WASHC5: variants seen among roughly 807,000 people sequenced by gnomAD.
WASHC5 encodes WASH complex subunit 5, also known as WASH complex subunit strumpellin.
Under a neutral mutation model 150.4 loss-of-function variants are expected in WASHC5, and 101 were observed. The ratio of observed to expected loss-of-function variants is 0.67; its 90% CI spans 0.57 to 0.79. WASHC5 has a LOEUF of 0.79. WASHC5 is among the 30% of genes least tolerant of loss of function. The pLI is 0.00. For synonymous variants in WASHC5, 467 were observed against 491.2 expected, an observed-to-expected ratio of 0.95 and a Z score of 0.65; for missense variants, 1,195 against 1,396.3, an observed-to-expected ratio of 0.86 and a Z score of 2.30.
chr8:125,080,090 G>A (rs945469982), intron 5 of WASHC5, among the ~76,000 whole-genome samples: 2 of 152,174 alleles, frequency 1.3e-5, no homozygotes, highest in African/African-American at 4.8e-5. Context: ...AAATGAACTA[G>A]ATTCAAAGAA....
At position 125,063,608 on chromosome 8, in the gene WASHC5, T is replaced by C. The variant is rs1283309196; in HGVS notation, c.1322A>G (p.His441Arg). Residue 441 changes from histidine to arginine, a missense_variant, in exon 11 of 29, where the codon CAT (histidine) becomes CGT (arginine). By Grantham distance (29) the His-to-Arg change is conservative. This residue lies in a region of WASHC5 where 997 missense variants were observed against 1,168.1 expected (regional missense o/e 0.85). Coordinates refer to ENST00000318410, the MANE Select transcript of WASHC5 (RefSeq NM_014846.4). ...CCGCTCCGAACCCTCTTTCTTGTAATGCTCCCATTTGGTTTGCTTTTCTGA... is the reference window on the plus strand; with the variant it reads ...CCGCTCCGAACCCTCTTTCTTGTAACGCTCCCATTTGGTTTGCTTTTCTGA... ...MLSEKQTKWE[H>R]YKKEGSERMT... The C allele has an allele frequency of 1.2e-6, 2 of 1,614,014 alleles. No individual in the cohort carries two copies. The highest frequency in any genetic ancestry group is 8.5e-7 in the Non-Finnish European group (1 of 1,179,866).
At chr8:125,049,632 A>T (rs1203268204) in intron 18 of WASHC5, among the ~76,000 whole-genome samples, 1 of 151,770 alleles carries the variant, frequency 6.6e-6, no homozygotes, top group Non-Finnish European at 1.5e-5. Context: ...GGATCACTTG[A>T]GGTCAGGAGT....
chr8:125,083,976 T>C lies in WASHC5; in HGVS notation c.-78A>G, dbSNP rs1412412973. 1.5e-6 allele frequency: 2 copies of C among 1,358,048 alleles called. No individual in the cohort carries two copies. The highest frequency in any genetic ancestry group is 1.0e-6 in the Non-Finnish European group (1 of 964,994). 84.1% of individuals were successfully genotyped at this position (1,358,048 alleles called of 1,614,324 possible). ...CTCAGAGCTGGTGTCTGTATATTATTAGATGAAACCAGGTGTGCAGAGAGA... is the reference window on the plus strand; with the variant it reads ...CTCAGAGCTGGTGTCTGTATATTATCAGATGAAACCAGGTGTGCAGAGAGA... On this transcript the variant is annotated 5_prime_UTR_variant, in exon 2 of 29. Transcript: ENST00000318410.
At chr8:125,026,545 A>C (rs1293691683) in intron 28 of WASHC5, among the ~76,000 whole-genome samples, 1 of 152,146 alleles carries the variant, frequency 6.6e-6, no homozygotes, top group Non-Finnish European at 1.5e-5. Context: ...TATTTGTTTC[A>C]TATTTCACAC....
At chr8:125,031,571 G>A (rs538628079) in intron 27 of WASHC5, among the ~76,000 whole-genome samples, 1 of 152,186 alleles carries the variant, frequency 6.6e-6, no homozygotes, top group South Asian at 2.1e-4. Context: ...CAGCCGCTTT[G>A]ATTCGTTTTT....
At chr8:125,068,588 T>C (rs1238424197) in intron 9 of WASHC5, among the ~76,000 whole-genome samples, 2 of 152,234 alleles carry the variant, frequency 1.3e-5, no homozygotes, top group Admixed American at 6.5e-5. Flanking sequence ...CTGAGTCCTC[T>C]GTGTCCCTGT....
intron 8 of WASHC5, among the ~76,000 whole-genome samples, chr8:125,073,600 TAATTTCTA>T (rs1275852318): frequency 6.6e-6 from 1 of 152,202 alleles, no homozygotes; most frequent in Non-Finnish European, 1.5e-5. Flanking sequence ...CATTTTTATG[TAATTTCTA>T]TATAAGATGA....
intron 27 of WASHC5, among the ~76,000 whole-genome samples, chr8:125,031,146 A>G (rs1815523597): frequency 6.6e-6 from 1 of 152,200 alleles, no homozygotes; most frequent in Non-Finnish European, 1.5e-5. Flanking sequence ...CAGTGGCTGC[A>G]TGACTACCTG....
chr8:125,039,794 C>T lies in WASHC5; in HGVS notation c.2954+1G>A, dbSNP rs1815832956. The T allele has an allele frequency of 6.2e-7, 1 of 1,605,602 alleles. No individual in the cohort carries two copies. Among genetic ancestry groups the T allele is most frequent in the South Asian group, 1.1e-5 (1 of 90,906 alleles). ...TGGCTGTTTCAAACCCTGGCACTTA[C>T]TTATTGAGATTCTCCAGAGCAGCTG... On this transcript the variant is annotated splice_donor_variant, in intron 24 of 28. Coordinates refer to ENST00000318410, the MANE Select transcript of WASHC5 (RefSeq NM_014846.4). LOFTEE classifies it high-confidence loss of function.
rs34050035 is a variant in WASHC5, at chr8:125,025,833, G to GACACACACACACACACACACACACAC, written c.3424-1161_3424-1160insGTGTGTGTGTGTGTGTGTGTGTGTGT. ...TCCAGTTTACTTACATATGCAGACAGACACACACACACACACACACACACA... is the reference window on the plus strand; with the variant it reads ...TCCAGTTTACTTACATATGCAGACAGACACACACACACACACACACACACACACACACACACACACACACACACACA... On this transcript the variant is annotated intron_variant, in intron 28 of 28. Coordinates refer to ENST00000318410, the MANE Select transcript of WASHC5 (RefSeq NM_014846.4). Among the ~76,000 whole-genome samples the GACACACACACACACACACACACACAC allele has an allele frequency of 4.5e-3, 671 of 148,108 alleles. 10 individuals carry two copies. Among genetic ancestry groups the GACACACACACACACACACACACACAC allele is most frequent in the African/African-American group, 0.016 (621 of 39,930 alleles).
Position 125,024,588 on chromosome 8 carries a change from T to A in WASHC5, c.*29A>T. ...TGATGGTGGGAAGATCTAAGGACAA[T>A]CCTTCCATTGAAGAAGTAGGAAAAA... On this transcript the variant is annotated 3_prime_UTR_variant, in exon 29 of 29. Transcript: ENST00000318410. 6.6e-7 allele frequency: 1 copy of A among 1,516,020 alleles called. No individual in the cohort carries two copies. The highest frequency in any genetic ancestry group is 9.2e-7 in the Non-Finnish European group (1 of 1,090,724). 93.9% of individuals were successfully genotyped at this position (1,516,020 alleles called of 1,614,324 possible).
chr8:125,033,542 G>A (rs548134433), intron 26 of WASHC5, among the ~76,000 whole-genome samples: 18 of 151,160 alleles, frequency 1.2e-4, no homozygotes, highest in African/African-American at 4.4e-4. Context: ...CCTTGAAGAA[G>A]GCAGAGATTT....
intron 9 of WASHC5, 70 bp from the exon 10 acceptor site, chr8:125,067,789 TA>T (rs1816791942): frequency 6.6e-7 from 1 of 1,515,076 alleles, no homozygotes; most frequent in South Asian, 1.2e-5. Context: ...GATAAATTAT[TA>T]AATATTTTCC....
chr8:125,039,526 G>A (rs1465012287), intron 24 of WASHC5, among the ~76,000 whole-genome samples: 1 of 152,102 alleles, frequency 6.6e-6, no homozygotes, highest in Non-Finnish European at 1.5e-5. Context: ...CATTTGTTCA[G>A]CAGACATGTA....
At chr8:125,025,460 T>C (rs1262884257) in intron 28 of WASHC5, among the ~76,000 whole-genome samples, 2 of 151,470 alleles carry the variant, frequency 1.3e-5, no homozygotes, top group Non-Finnish European at 2.9e-5. Context: ...GAGGCTGAGG[T>C]GGGTGGATCA....
At chr8:125,088,862 A>G (rs191476472) in intron 1 of WASHC5, among the ~76,000 whole-genome samples, 1 of 152,236 alleles carries the variant, frequency 6.6e-6, no homozygotes, top group East Asian at 1.9e-4. Context: ...TGGCATCCCA[A>G]GCAGAGGTTA....
intron 11 of WASHC5, among the ~76,000 whole-genome samples, chr8:125,062,902 T>C (rs1816641488): frequency 6.6e-6 from 1 of 152,204 alleles, no homozygotes. Context: ...AAATTTGAAA[T>C]GATGCCAGAA....
At chr8:125,080,537 T>G (rs897281200) in intron 5 of WASHC5, among the ~76,000 whole-genome samples, 3 of 152,192 alleles carry the variant, frequency 2.0e-5, no homozygotes, top group Non-Finnish European at 4.4e-5. Context: ...CCCCTTCTCC[T>G]TGTCTACTTT....
chr8:125,064,423 T>C (rs1816691833), intron 10 of WASHC5, among the ~76,000 whole-genome samples: 1 of 151,738 alleles, frequency 6.6e-6, no homozygotes, highest in Non-Finnish European at 1.5e-5. Flanking sequence ...CCTTGCTATG[T>C]TGCCCAGGCT....
Sources: gnomAD v4.1 joint callset for allele counts (sites outside exome capture counted in the v4.1 genomes callset) on GRCh38, gnomAD v4.1.1 for gene constraint, gnomAD v4.1.1 regional missense constraint, MANE v1.5 for transcripts, NCBI Gene and HGNC (gene_info 2026-07-23, HGNC 2026-07-21) for gene names.